MYO1D: variants seen among roughly 807,000 people sequenced by gnomAD.
MYO1D encodes the protein myosin ID.
In MYO1D, 83 loss-of-function variants were observed where a neutral mutation model predicts 122.0. That is an observed-to-expected ratio of 0.68 (90% CI 0.57 to 0.82). MYO1D has a LOEUF of 0.82. Ranked by LOEUF, MYO1D falls within the 40% of genes least tolerant of loss-of-function variation. The pLI is 0.00. For synonymous variants in MYO1D, 464 were observed against 446.9 expected (o/e 1.04, Z -0.48); for missense variants, 1,157 against 1,269.5 (o/e 0.91, Z 1.35).
intron 16 of MYO1D, among the ~76,000 whole-genome samples, chr17:32,679,399 C>G (rs1036119677): frequency 6.6e-6 from 1 of 151,966 alleles, no homozygotes; most frequent in African/African-American, 2.4e-5. Context: ...TTAGGTCTAA[C>G]GTTTAAATCT....
At chr17:32,518,140 A>G (rs978592893) in intron 21 of MYO1D, among the ~76,000 whole-genome samples, 2 of 152,032 alleles carry the variant, frequency 1.3e-5, no homozygotes, top group Non-Finnish European at 2.9e-5. Context: ...CACCCTCTGG[A>G]CAGCACCTGG....
chr17:32,557,344 C>T (rs974596300), intron 21 of MYO1D, among the ~76,000 whole-genome samples: 23 of 151,792 alleles, frequency 1.5e-4, no homozygotes, highest in Non-Finnish European at 2.9e-4. Flanking sequence ...CTCCTGACTT[C>T]GTGATCCACC....
intron 21 of MYO1D, among the ~76,000 whole-genome samples, chr17:32,533,921 A>C (rs939559155): frequency 6.6e-6 from 1 of 152,206 alleles, no homozygotes; most frequent in African/African-American, 2.4e-5. Flanking sequence ...AATAAACAAA[A>C]ATTTTTAAAT....
chr17:32,631,251 G>C (rs1040897098), intron 20 of MYO1D, among the ~76,000 whole-genome samples: 2 of 152,178 alleles, frequency 1.3e-5, no homozygotes, highest in Non-Finnish European at 2.9e-5. Context: ...GACCAGAGAT[G>C]TAACTACCAA....
intron 1 of MYO1D, among the ~76,000 whole-genome samples, chr17:32,835,694 C>A (rs1386776055): frequency 2.6e-5 from 4 of 152,298 alleles, no homozygotes; most frequent in East Asian, 1.9e-4. Flanking sequence ...CCCAGACAAG[C>A]ATGAGTAGGT....
At chr17:32,804,456 T>C (rs1020773414) in intron 1 of MYO1D, among the ~76,000 whole-genome samples, 2 of 152,212 alleles carry the variant, frequency 1.3e-5, no homozygotes, top group African/African-American at 4.8e-5. Context: ...TTTTTAAATA[T>C]TGTCCTTTAA....
rs754342353 is a variant in MYO1D, at chr17:32,755,512, CGT to C, written c.1445_1446del (p.His482ArgfsTer18). The C allele has an allele frequency of 3.1e-6, 5 of 1,613,584 alleles. No homozygotes were observed. The highest frequency in any genetic ancestry group is 1.7e-4 in the Middle Eastern group (1 of 6,056). ...ATTACCTTTCGGCTGGAAAAATGGG[CGT>C]GTTTGCCCAATTTACTGTTAAGTGC... ...LEALNSKLGK[H>X]AHFSSRKLCA... On this transcript the variant is annotated frameshift_variant, in exon 11 of 22. Transcript: ENST00000318217. LOFTEE classifies it high-confidence loss of function.
At chr17:32,875,929 T>C (rs1381965033) in intron 1 of MYO1D, among the ~76,000 whole-genome samples, 6 of 152,242 alleles carry the variant, frequency 3.9e-5, no homozygotes, top group Non-Finnish European at 7.3e-5. Context: ...ACTGTTTACA[T>C]ATTACTCTAT....
rs925660806 is a variant in MYO1D at position 32,755,581 on chromosome 17, A to G, written c.1378T>C (p.Cys460Arg). Reference protein sequence around the residue: ...KGIIAILDDACMNVGKVTDEM... With the variant: ...KGIIAILDDARMNVGKVTDEM... The stretch of plus-strand genomic sequence containing the variant: ...TCGGTGACTTTGCCGACATTCATGC[A>G]AGCATCATCAAGGATTGCAATGATC... The change falls in exon 11 of 22, where the codon TGC becomes CGC. Residue 460 changes from cysteine to arginine, a missense_variant. Physicochemically the swap from Cys to Arg is radical, Grantham distance 180 (BLOSUM62 -3). Transcript: ENST00000318217. The G allele has an allele frequency of 3.1e-6, 5 of 1,613,868 alleles. No homozygotes were observed. The African/African-American group carries it at 6.7e-5, about 22-fold the overall frequency.
intron 21 of MYO1D, among the ~76,000 whole-genome samples, chr17:32,508,672 G>A (rs966753681): frequency 1.3e-5 from 2 of 152,138 alleles, no homozygotes; most frequent in East Asian, 1.9e-4. Context: ...ATCAATTCAC[G>A]GACTTACTAC....
chr17:32,847,522 T>C (rs1489538405), intron 1 of MYO1D, among the ~76,000 whole-genome samples: 3 of 152,202 alleles, frequency 2.0e-5, no homozygotes, highest in African/African-American at 7.2e-5. Flanking sequence ...GAATAGTTAT[T>C]ACTATTATTT....
intron 16 of MYO1D, among the ~76,000 whole-genome samples, chr17:32,678,120 A>G (rs1567944177): frequency 1.3e-5 from 2 of 152,092 alleles, no homozygotes; most frequent in Non-Finnish European, 2.9e-5. Flanking sequence ...CAGCCTCCTT[A>G]TTTATGTATT....
chr17:32,584,862 A>G (rs2087372405), intron 21 of MYO1D, among the ~76,000 whole-genome samples: 1 of 152,230 alleles, frequency 6.6e-6, no homozygotes. Flanking sequence ...TTGATAAACT[A>G]TGGGACAAAA....
At chr17:32,851,119 A>G (rs890226946) in intron 1 of MYO1D, among the ~76,000 whole-genome samples, 11 of 152,126 alleles carry the variant, frequency 7.2e-5, no homozygotes, top group Non-Finnish European at 1.5e-4. Flanking sequence ...TTGTCCTTCA[A>G]CAGCTCCCAA....
At chr17:32,672,342 T>C (rs2088733476) in intron 16 of MYO1D, among the ~76,000 whole-genome samples, 1 of 152,206 alleles carries the variant, frequency 6.6e-6, no homozygotes, top group African/African-American at 2.4e-5. Context: ...AAAGCAATAA[T>C]GCCTATTATT....
intron 16 of MYO1D, among the ~76,000 whole-genome samples, chr17:32,699,733 A>C (rs1488489525): frequency 6.6e-6 from 1 of 152,260 alleles, no homozygotes; most frequent in Non-Finnish European, 1.5e-5. Flanking sequence ...AGATAAAATA[A>C]GAATGACAAA....
At chr17:32,519,904 A>T (rs149225272) in intron 21 of MYO1D, among the ~76,000 whole-genome samples, 32,576 of 132,314 alleles carry the variant, frequency 0.25, 4,045 homozygotes, top group African/African-American at 0.42. Context: ...TTTTTTTTAA[A>T]AAAAAAAACC....
Position 32,712,113 on chromosome 17 carries a change from A to G in MYO1D, c.1996T>C (p.Cys666Arg), listed in dbSNP as rs776438723. The part of the protein sequence containing the change: ...KEAVKKLIER[C>R]GFQDDVAYGK... ...TAAGCTACATCATCCTGAAAACCAC[A>G]CCGTTCAATTAGTTTCTTGACAGCC... Residue 666 changes from cysteine to arginine, a missense_variant, in exon 16 of 22, where the codon TGT becomes CGT. Cys to Arg is a radical substitution (Grantham distance 180). Coordinates refer to ENST00000318217, the MANE Select transcript of MYO1D (RefSeq NM_015194.3). 8.7e-6 allele frequency: 14 copies of G among 1,614,020 alleles called. No individual in the cohort carries two copies. In the African/African-American group the frequency reaches 1.6e-4, roughly 18 times the overall value.
chr17:32,827,047 C>T (rs1158385220), intron 1 of MYO1D, among the ~76,000 whole-genome samples: 1 of 152,008 alleles, frequency 6.6e-6, no homozygotes, highest in Admixed American at 6.5e-5. Flanking sequence ...GGTATGCACC[C>T]AAAAGAATTG....
Sources: allele counts gnomAD v4.1 joint callset (sites outside exome capture counted in the v4.1 genomes callset), GRCh38; gene constraint gnomAD v4.1.1; transcripts MANE v1.5; gene names NCBI Gene and HGNC (gene_info 2026-07-23, HGNC 2026-07-21).